Variants in FCHO2 observed in about 807,000 individuals in gnomAD.
FCHO2 encodes F-BAR domain only protein 2.
FCHO2 carries 43 observed loss-of-function variants against 114.1 expected under a neutral mutation model. The ratio of observed to expected loss-of-function variants is 0.38; its 90% confidence interval spans 0.30 to 0.49. FCHO2 has a LOEUF of 0.49. Among genes scored for constraint, FCHO2 ranks in the 20% least tolerant of loss-of-function variants. The pLI, the probability that FCHO2 is intolerant of heterozygous loss-of-function variation, is 0.97. For missense variants in FCHO2, 807 were observed against 950.4 expected, an observed-to-expected ratio of 0.85 and a Z score of 1.98; for synonymous variants, 293 against 315.2, an observed-to-expected ratio of 0.93 and a Z score of 0.75.
chr5:73,066,528 A>C (rs114499914), intron 18 of FCHO2, among the ~76,000 whole-genome samples: 6,636 of 149,196 alleles, frequency 0.044, 181 homozygotes, highest in Non-Finnish European at 0.063. Flanking sequence ...CACCAGAGAG[A>C]GTATGTTGAT....
At chr5:72,965,475 A>G (rs1752152479) in intron 1 of FCHO2, among the ~76,000 whole-genome samples, 1 of 152,240 alleles carries the variant, frequency 6.6e-6, no homozygotes, top group Non-Finnish European at 1.5e-5. Flanking sequence ...CACGATTGCC[A>G]CAAACCTTCA....
chr5:73,000,009 G>C (rs1220208714), intron 5 of FCHO2, among the ~76,000 whole-genome samples: 2 of 152,004 alleles, frequency 1.3e-5, no homozygotes, highest in Non-Finnish European at 2.9e-5. Flanking sequence ...TAATTAACTA[G>C]TGAATTAATT....
At chr5:72,987,129 G>T (rs1580053406) in intron 2 of FCHO2, among the ~76,000 whole-genome samples, 1 of 152,112 alleles carries the variant, frequency 6.6e-6, no homozygotes, top group Admixed American at 6.5e-5. Flanking sequence ...ACCTGCCTCA[G>T]CCTCCCAAAG....
intron 6 of FCHO2, among the ~76,000 whole-genome samples, chr5:73,008,621 T>C (rs1754839978): frequency 6.6e-6 from 1 of 152,158 alleles, no homozygotes; most frequent in South Asian, 2.1e-4. Flanking sequence ...CCAAGTAATC[T>C]GGGCTGGACA....
At chr5:73,074,719 C>T in intron 19 of FCHO2, 23 bp from the exon 20 acceptor site, 2 of 1,576,788 alleles carry the variant, frequency 1.3e-6, no homozygotes, top group Non-Finnish European at 1.7e-6. Context: ...AAGGATTTAA[C>T]AAGTTAATTG....
chr5:72,975,175 A>G (rs1752790392), intron 2 of FCHO2, among the ~76,000 whole-genome samples: 1 of 151,994 alleles, frequency 6.6e-6, no homozygotes, highest in African/African-American at 2.4e-5. Flanking sequence ...TTTGGTAATT[A>G]TTTATTTTTA....
At chr5:72,970,536 G>T (rs1412286560) in intron 2 of FCHO2, among the ~76,000 whole-genome samples, 3 of 149,678 alleles carry the variant, frequency 2.0e-5, no homozygotes, top group Admixed American at 6.7e-5. Flanking sequence ...AATTCAATAA[G>T]TTGGTTAAAA....
chr5:73,054,126 A>C, intron 13 of FCHO2, 34 bp from the exon 14 acceptor site: 2 of 1,448,226 alleles, frequency 1.4e-6, no homozygotes, highest in Non-Finnish European at 1.9e-6. Flanking sequence ...TCAGAATTCT[A>C]ACCTAATTTT....
intron 9 of FCHO2, among the ~76,000 whole-genome samples, chr5:73,035,977 GGATTACAGGTGT>G: frequency 6.6e-6 from 1 of 151,758 alleles, no homozygotes; most frequent in Non-Finnish European, 1.5e-5. Context: ...CAAGTAGCCG[GGATTACAGGTGT>G]GCGCCACTAC....
chr5:73,007,779 CTTAAATATAAAG>C, intron 6 of FCHO2, among the ~76,000 whole-genome samples: 1 of 152,164 alleles, frequency 6.6e-6, no homozygotes, highest in South Asian at 2.1e-4. Context: ...TAAATACATG[CTTAAATATAAAG>C]TTATAAATTA....
chr5:72,993,147 A>G (rs1753891477), intron 5 of FCHO2, among the ~76,000 whole-genome samples: 2 of 152,084 alleles, frequency 1.3e-5, no homozygotes, highest in Non-Finnish European at 2.9e-5. Context: ...AAATAAATAA[A>G]CATAAACTTA....
At chr5:73,053,258 G>T (rs922317906) in intron 13 of FCHO2, among the ~76,000 whole-genome samples, 3 of 152,108 alleles carry the variant, frequency 2.0e-5, no homozygotes, top group African/African-American at 7.2e-5. Context: ...TGGAAAAAAA[G>T]GTGGTTTTCT....
chr5:73,054,515 T>G lies in FCHO2; in HGVS notation c.1186-10T>G. The G allele has an allele frequency of 6.5e-7, 1 of 1,538,680 alleles. No individual in the cohort carries two copies. On this transcript the variant is annotated splice_polypyrimidine_tract_variant and intron_variant, in intron 14 of 25. Coordinates refer to ENST00000430046, the MANE Select transcript of FCHO2 (RefSeq NM_138782.3). ...TGTTTTATGGTACCTATTTTGCATC[T>G]CTGTTTTAGGTACAGATGAATCGGA...
At chr5:73,050,947 A>G (rs1254331234) in intron 11 of FCHO2, among the ~76,000 whole-genome samples, 1 of 152,200 alleles carries the variant, frequency 6.6e-6, no homozygotes, top group African/African-American at 2.4e-5. Flanking sequence ...TTATATTTCC[A>G]TACAGCTTAT....
chr5:72,984,403 A>G (rs1269919307), intron 2 of FCHO2, among the ~76,000 whole-genome samples: 1 of 152,206 alleles, frequency 6.6e-6, no homozygotes, highest in Non-Finnish European at 1.5e-5. Flanking sequence ...CATAAAATGA[A>G]TTGGGGAGTA....
intron 8 of FCHO2, among the ~76,000 whole-genome samples, chr5:73,032,575 T>G (rs1484680749): frequency 6.6e-6 from 1 of 152,194 alleles, no homozygotes; most frequent in African/African-American, 2.4e-5. Context: ...TCCAAAGATT[T>G]TACAAATCTT....
chr5:73,074,911 G>T, intron 20 of FCHO2, 58 bp downstream of exon 20: 1 of 1,282,854 alleles, frequency 7.8e-7, no homozygotes, highest in Non-Finnish European at 1.1e-6. Context: ...TGGAGGAGGT[G>T]GTGGGGCTTG....
chr5:73,015,741 T>G lies in FCHO2; in HGVS notation c.699+17T>G. 1 of 1,441,024 alleles carries G rather than the reference T, an allele frequency of 6.9e-7. No homozygotes were observed. Among genetic ancestry groups the G allele is most frequent in the Non-Finnish European group, 9.4e-7 (1 of 1,067,024 alleles). 89.3% of individuals were successfully genotyped at this position (1,441,024 alleles called of 1,614,324 possible). On this transcript the variant is annotated intron_variant, in intron 7 of 25. Coordinates refer to ENST00000430046, the MANE Select transcript of FCHO2 (RefSeq NM_138782.3). ...ATAGGCCAGGTAAGTTTTTTTACTTTATGTTGAACTATTCATGAAAAATTT... is the reference window on the plus strand; with the variant it reads ...ATAGGCCAGGTAAGTTTTTTTACTTGATGTTGAACTATTCATGAAAAATTT...
intron 14 of FCHO2, 26 bp from the exon 15 acceptor site, chr5:73,054,499 G>A (rs771931200): frequency 2.7e-5 from 41 of 1,526,172 alleles, no homozygotes; most frequent in Non-Finnish European, 3.6e-5. Context: ...TTGTTTTATG[G>A]TACCTATTTT....
Sources: allele counts gnomAD v4.1 joint callset (sites outside exome capture counted in the v4.1 genomes callset), GRCh38; gene constraint gnomAD v4.1.1; transcripts MANE v1.5; gene names NCBI Gene and HGNC (gene_info 2026-07-23, HGNC 2026-07-21).